Variants in ADAMTS19 observed in about 807,000 individuals in gnomAD.
ADAMTS19 encodes A disintegrin and metalloproteinase with thrombospondin motifs 19.
In ADAMTS19, 93 loss-of-function variants were observed where a neutral mutation model predicts 153.3. That is an observed-to-expected ratio of 0.61 (90% CI 0.51 to 0.72). ADAMTS19 has a LOEUF of 0.72. Ranked by LOEUF, ADAMTS19 falls within the 30% of genes least tolerant of loss-of-function variation. The pLI is 0.00. For synonymous variants in ADAMTS19, 600 were observed against 556.6 expected (o/e 1.08, Z -1.10); for missense variants, 1,482 against 1,552.1 (o/e 0.95, Z 0.76).
chr5:129,525,094 T>C (rs1382396766), intron 3 of ADAMTS19, among the ~76,000 whole-genome samples: 1 of 152,136 alleles, frequency 6.6e-6, no homozygotes, highest in Non-Finnish European at 1.5e-5. Flanking sequence ...TTGATGATTA[T>C]TTGAATTTTA....
At chr5:129,634,504 G>A (rs1752443616) in intron 10 of ADAMTS19, among the ~76,000 whole-genome samples, 1 of 152,074 alleles carries the variant, frequency 6.6e-6, no homozygotes, top group Non-Finnish European at 1.5e-5. Context: ...CAAAGCTGGA[G>A]GCATGATGTT....
intron 2 of ADAMTS19, among the ~76,000 whole-genome samples, chr5:129,472,026 G>A (rs140390573): frequency 4.9e-4 from 74 of 152,320 alleles, no homozygotes; most frequent in African/African-American, 1.8e-3. Context: ...ACACGTGTGT[G>A]TCTTTATAAT....
chr5:129,643,699 G>C (rs1163193127), intron 11 of ADAMTS19, among the ~76,000 whole-genome samples: 1 of 152,116 alleles, frequency 6.6e-6, no homozygotes, highest in East Asian at 1.9e-4. Context: ...GGGAATTTCT[G>C]TGAAATATCA....
At chr5:129,474,239 CT>C (rs1750154765) in intron 2 of ADAMTS19, among the ~76,000 whole-genome samples, 1 of 148,914 alleles carries the variant, frequency 6.7e-6, no homozygotes, top group African/African-American at 2.6e-5. Flanking sequence ...GTAGTTCATT[CT>C]TTTTTTCTTC....
At chr5:129,698,760 A>G (rs1755685631) in intron 19 of ADAMTS19, among the ~76,000 whole-genome samples, 1 of 152,230 alleles carries the variant, frequency 6.6e-6, no homozygotes, top group South Asian at 2.1e-4. Context: ...AAAGATATGT[A>G]GATGGACTTA....
At chr5:129,475,643 G>A (rs1407530953) in intron 2 of ADAMTS19, among the ~76,000 whole-genome samples, 1 of 152,120 alleles carries the variant, frequency 6.6e-6, no homozygotes, top group East Asian at 1.9e-4. Context: ...GACCAGCCTG[G>A]CCTACATGGC....
chr5:129,721,997 A>G (rs933165695), intron 21 of ADAMTS19, among the ~76,000 whole-genome samples: 2 of 152,158 alleles, frequency 1.3e-5, no homozygotes, highest in African/African-American at 4.8e-5. Flanking sequence ...TATCCAATCT[A>G]TCACTGATAC....
At chr5:129,538,179 C>A (rs968330569) in intron 6 of ADAMTS19, among the ~76,000 whole-genome samples, 1 of 151,674 alleles carries the variant, frequency 6.6e-6, no homozygotes, top group Non-Finnish European at 1.5e-5. Flanking sequence ...ATTACAAATG[C>A]AATATATATT....
At chr5:129,476,397 C>T (rs1750228226) in intron 2 of ADAMTS19, among the ~76,000 whole-genome samples, 1 of 151,952 alleles carries the variant, frequency 6.6e-6, no homozygotes, top group Admixed American at 6.6e-5. Context: ...CTCCAGATTC[C>T]ACTCTTATTT....
intron 3 of ADAMTS19, among the ~76,000 whole-genome samples, chr5:129,525,931 A>G (rs573676401): frequency 1.4e-4 from 21 of 152,180 alleles, no homozygotes; most frequent in African/African-American, 5.0e-4. Context: ...AAATTGCAGT[A>G]TCTTTTATTT....
intron 10 of ADAMTS19, among the ~76,000 whole-genome samples, chr5:129,633,812 G>T (rs1161900409): frequency 6.6e-6 from 1 of 152,084 alleles, no homozygotes; most frequent in African/African-American, 2.4e-5. Context: ...TTTGTAGTGC[G>T]TGTTGTGTAT....
chr5:129,529,102 C>T (rs896153791), intron 6 of ADAMTS19, among the ~76,000 whole-genome samples: 14 of 152,020 alleles, frequency 9.2e-5, no homozygotes, highest in African/African-American at 3.4e-4. Flanking sequence ...AATTAAGTCT[C>T]TGACTGATTA....
At chr5:129,534,301 C>T (rs537823231) in intron 6 of ADAMTS19, among the ~76,000 whole-genome samples, 72 of 151,982 alleles carry the variant, frequency 4.7e-4, no homozygotes, top group African/African-American at 1.6e-3. Context: ...AACACCTCTA[C>T]GCAAATAAAC....
chr5:129,485,232 A>G (rs1277291872), intron 2 of ADAMTS19, among the ~76,000 whole-genome samples: 4 of 152,164 alleles, frequency 2.6e-5, no homozygotes, highest in Non-Finnish European at 5.9e-5. Flanking sequence ...TAGAAATAAA[A>G]CAATGCGCTA....
intron 7 of ADAMTS19, among the ~76,000 whole-genome samples, chr5:129,560,902 C>T (rs2126841631): frequency 6.6e-6 from 1 of 152,200 alleles, no homozygotes; most frequent in East Asian, 1.9e-4. Flanking sequence ...TTCAGATTGT[C>T]TGTATGCCTC....
In ADAMTS19 at chr5:129,538,578, A is replaced by T. The variant is rs187410056; in HGVS notation, c.1328+9901A>T. 3.9e-3 allele frequency among the ~76,000 whole-genome samples: 601 copies of T among 152,224 alleles called. 4 individuals carry two copies. The highest frequency in any genetic ancestry group is 4.5e-3 in the Non-Finnish European group (304 of 67,998). ...AGCTATGCAACACAAGAATTCTATTAAAAGGAAAAGAAGAAAGCATAGTGT... is the reference window on the plus strand; with the variant it reads ...AGCTATGCAACACAAGAATTCTATTTAAAGGAAAAGAAGAAAGCATAGTGT... On this transcript the variant is annotated intron_variant, in intron 6 of 22. Coordinates refer to ENST00000274487, the MANE Select transcript of ADAMTS19 (RefSeq NM_133638.6).
chr5:129,636,848 C>T (rs917909235), intron 10 of ADAMTS19, among the ~76,000 whole-genome samples: 6 of 152,140 alleles, frequency 3.9e-5, no homozygotes, highest in South Asian at 2.1e-4. Context: ...CTTACCATTG[C>T]TTTTCCGTCC....
At position 129,685,545 on chromosome 5, in the gene ADAMTS19, A is replaced by C. The variant is rs556430662; in HGVS notation, c.2818+1272A>C. On this transcript the variant is annotated intron_variant, in intron 18 of 22. Transcript: ENST00000274487. Reference sequence around the variant, plus strand: ...AGTCATTATATTTTATAAATGAAATATATTTGGAACATGAAAGTCAATGGT... The same window carrying C: ...AGTCATTATATTTTATAAATGAAATCTATTTGGAACATGAAAGTCAATGGT... Among the ~76,000 whole-genome samples the C allele has an allele frequency of 1.3e-4, 20 of 152,300 alleles. No homozygotes were observed. The South Asian group carries it at 4.1e-3, about 32-fold the overall frequency.
At chr5:129,578,902 A>G (rs1749347760) in intron 7 of ADAMTS19, among the ~76,000 whole-genome samples, 1 of 152,174 alleles carries the variant, frequency 6.6e-6, no homozygotes, top group Non-Finnish European at 1.5e-5. Flanking sequence ...CAATATACAT[A>G]CGTGTGCATG....
Sources: gnomAD v4.1 joint callset for allele counts (sites outside exome capture counted in the v4.1 genomes callset) on GRCh38, gnomAD v4.1.1 for gene constraint, MANE v1.5 for transcripts, NCBI Gene and HGNC (gene_info 2026-07-23, HGNC 2026-07-21) for gene names.